The following FAM171B variants were observed in gnomAD, a reference collection of about 807,000 sequenced individuals.
FAM171B encodes family with sequence similarity 171 member B, also known as protein FAM171B.
Under a neutral mutation model 75.6 loss-of-function variants are expected in FAM171B, and 19 were observed. The observed-to-expected ratio is 0.25, with a 90% CI of 0.18 to 0.37. FAM171B has a LOEUF of 0.37. Among genes scored for constraint, FAM171B ranks in the 10% least tolerant of loss-of-function variants. FAM171B has a pLI of 1.00. For synonymous variants in FAM171B, 367 were observed against 361.7 expected, an observed-to-expected ratio of 1.01 and a Z score of -0.17; for missense variants, 848 against 982.4, an observed-to-expected ratio of 0.86 and a Z score of 1.83.
At chr2:186,736,134 G>T (rs1037604460) in intron 1 of FAM171B, among the ~76,000 whole-genome samples, 1 of 152,096 alleles carries the variant, frequency 6.6e-6, no homozygotes, top group Non-Finnish European at 1.5e-5. Flanking sequence ...TCATTTTAAG[G>T]TATGATTTGA....
At chr2:186,696,316 G>A (rs979644058) in intron 1 of FAM171B, among the ~76,000 whole-genome samples, 1 of 151,724 alleles carries the variant, frequency 6.6e-6, no homozygotes, top group Non-Finnish European at 1.5e-5. Flanking sequence ...GGAATATTGA[G>A]TCTTATAATG....
chr2:186,744,688 C>T (rs2105787502), intron 3 of FAM171B, among the ~76,000 whole-genome samples: 1 of 151,806 alleles, frequency 6.6e-6, no homozygotes, highest in South Asian at 2.1e-4. Context: ...CCACCACACC[C>T]AGCTAGTTTT....
intron 1 of FAM171B, among the ~76,000 whole-genome samples, chr2:186,705,238 A>C (rs557873517): frequency 2.9e-4 from 44 of 152,334 alleles, no homozygotes; most frequent in African/African-American, 1.0e-3. Flanking sequence ...TGGTTTATGC[A>C]GATATTTCTA....
chr2:186,706,186 A>G (rs1689730849), intron 1 of FAM171B, among the ~76,000 whole-genome samples: 1 of 152,194 alleles, frequency 6.6e-6, no homozygotes, highest in African/African-American at 2.4e-5. Flanking sequence ...GAAGGCATTT[A>G]TAAAAACCTA....
At chr2:186,720,768 A>G (rs1199748293) in intron 1 of FAM171B, among the ~76,000 whole-genome samples, 1 of 151,658 alleles carries the variant, frequency 6.6e-6, no homozygotes, top group Non-Finnish European at 1.5e-5. Flanking sequence ...TATTAAATGT[A>G]CCCAAACCCT....
intron 6 of FAM171B, among the ~76,000 whole-genome samples, chr2:186,756,655 A>G (rs1412423816): frequency 2.0e-5 from 3 of 152,096 alleles, no homozygotes; most frequent in African/African-American, 2.4e-5. Flanking sequence ...CGTTGATTAT[A>G]TCCTATAATT....
rs934820813 is a variant in FAM171B, at chr2:186,762,167, G to A, written c.1825G>A (p.Gly609Ser). The change falls in exon 8 of 8, where the codon GGT becomes AGT. Residue 609 changes from glycine (G) to serine (S), a missense_variant. Gly to Ser is a moderately conservative substitution (Grantham distance 56). This residue lies in a region of FAM171B where 665 missense variants were observed against 729.0 expected (regional missense o/e 0.91). Transcript: ENST00000304698. This position sits in a 1 kb window ranked among gnomAD's most constrained non-coding sequence, Gnocchi z 4.0. ...DAREEDIILE[G>S]QQSLPSQASD... The stretch of plus-strand genomic sequence containing the variant: ...CAGGGAAGAGGATATCATACTTGAA[G>A]GTCAACAGAGCCTGCCATCCCAGGC... 1.2e-6 allele frequency: 2 copies of A among 1,613,634 alleles called. No individual in the cohort carries two copies. Among genetic ancestry groups the A allele is most frequent in the Non-Finnish European group, 1.7e-6 (2 of 1,179,778 alleles).
At chr2:186,699,978 C>G (rs1234874862) in intron 1 of FAM171B, among the ~76,000 whole-genome samples, 7 of 151,840 alleles carry the variant, frequency 4.6e-5, no homozygotes, top group Non-Finnish European at 7.4e-5. Context: ...TTCCATTGGT[C>G]TCTTTGTCTG....
chr2:186,714,845 T>C (rs928591651), intron 1 of FAM171B, among the ~76,000 whole-genome samples: 2 of 152,174 alleles, frequency 1.3e-5, no homozygotes, highest in Non-Finnish European at 2.9e-5. Flanking sequence ...GATTGACAAG[T>C]GTGGCAAAGG....
Position 186,751,324 on chromosome 2 carries a change from A to C in FAM171B, c.895+20A>C. On this transcript the variant is annotated intron_variant, in intron 5 of 7. Coordinates refer to ENST00000304698, the MANE Select transcript of FAM171B (RefSeq NM_177454.4). ...ACACAGGTATGTGAGCTAGGTTAAAATAGTCTGAATATTTTACATATTTGT... is the reference window on the plus strand; with the variant it reads ...ACACAGGTATGTGAGCTAGGTTAAACTAGTCTGAATATTTTACATATTTGT... 6.7e-7 allele frequency: 1 copy of C among 1,495,106 alleles called. No individual in the cohort carries two copies. Among genetic ancestry groups the C allele is most frequent in the Non-Finnish European group, 9.0e-7 (1 of 1,110,800 alleles). The allele number at this position is 1,495,106 out of a possible 1,614,324, so 92.6% of individuals were successfully genotyped here. A position where few individuals can be genotyped will look rare whatever the true frequency, so the allele number is the denominator to read the frequency against.
chr2:186,762,642 G>A lies in FAM171B; in HGVS notation c.2300G>A (p.Gly767Glu). 6.2e-7 allele frequency: 1 copy of A among 1,613,364 alleles called. No homozygotes were observed. Among genetic ancestry groups the A allele is most frequent in the Non-Finnish European group, 8.5e-7 (1 of 1,179,658 alleles). ...DPALRHILDGGSGVIMEHPGE... is the reference protein window; with the variant it reads ...DPALRHILDGESGVIMEHPGE... The stretch of plus-strand genomic sequence containing the variant: ...GCTTTAAGGCACATCCTAGATGGAG[G>A]GAGTGGAGTGATCATGGAGCACCCT... Residue 767 changes from glycine to glutamate, a missense_variant, in exon 8 of 8, where the codon GGG (glycine) becomes GAG (glutamate). By Grantham distance (98) the Gly-to-Glu change is moderately conservative (BLOSUM62 -2). Coordinates refer to ENST00000304698, the MANE Select transcript of FAM171B (RefSeq NM_177454.4). The surrounding 1 kb of genome is among the most constrained non-coding windows in gnomAD (Gnocchi z 4.0).
At position 186,765,733 on chromosome 2, in the gene FAM171B, T is replaced by C. The variant is rs966959180; in HGVS notation, c.*2910T>C. 6.6e-6 allele frequency: 1 copy of C among 152,080 alleles called. No homozygotes were observed. The highest frequency in any genetic ancestry group is 2.4e-5 in the African/African-American group (1 of 41,440). 9.4% of individuals were successfully genotyped at this position (152,080 alleles called of 1,614,324 possible). On this transcript the variant is annotated 3_prime_UTR_variant, in exon 8 of 8. Transcript: ENST00000304698. The stretch of plus-strand genomic sequence containing the variant: ...TTTCTCATTTTCCCATGTACGAGCA[T>C]TGTAAAGGAATTCAGCTGTATTAAT...
intron 1 of FAM171B, among the ~76,000 whole-genome samples, chr2:186,722,779 G>A (rs912834288): frequency 4.6e-5 from 7 of 152,110 alleles, no homozygotes; most frequent in African/African-American, 1.4e-4. Context: ...CTATCTTAAA[G>A]CTCATTCTAT....
chr2:186,721,462 G>A (rs13028008), intron 1 of FAM171B, among the ~76,000 whole-genome samples: 73,509 of 151,882 alleles, frequency 0.48, 18,660 homozygotes, highest in South Asian at 0.61. Flanking sequence ...GAAAATAAAC[G>A]TGTATTTAGA....
Position 186,760,978 on chromosome 2 carries a change from G to A in FAM171B, c.1013-135G>A, listed in dbSNP as rs1690605639. ...ATAGGGAAGGTTTACTTCACCCATAGGGAAATCTGTCATAGGAGGGGGGCA... is the reference window on the plus strand; with the variant it reads ...ATAGGGAAGGTTTACTTCACCCATAAGGAAATCTGTCATAGGAGGGGGGCA... On this transcript the variant is annotated intron_variant, in intron 6 of 7. Coordinates refer to ENST00000304698, the MANE Select transcript of FAM171B (RefSeq NM_177454.4). The A allele has an allele frequency of 4.6e-6, 4 of 871,558 alleles. No individual in the cohort carries two copies. The African/African-American group carries it at 5.2e-5, about 11-fold the overall frequency. The allele number at this position is 871,558 out of a possible 1,614,324, so 54.0% of individuals were successfully genotyped here.
Position 186,703,892 on chromosome 2 carries a change from G to A in FAM171B, c.238+9481G>A, listed in dbSNP as rs182300688. 1.8e-3 allele frequency among the ~76,000 whole-genome samples: 270 copies of A among 151,978 alleles called. 1 individual carries two copies. The highest frequency in any genetic ancestry group is 2.9e-3 in the Admixed American group (45 of 15,266). On this transcript the variant is annotated intron_variant, in intron 1 of 7. Transcript: ENST00000304698. ...TGAAGAACATGCTTTTGTGTAAGGG[G>A]AAAAAATATCACCAAAATAATGGGC... is the stretch of plus-strand genomic sequence containing the variant.
intron 1 of FAM171B, among the ~76,000 whole-genome samples, chr2:186,711,901 T>A (rs1689814669): frequency 6.6e-6 from 1 of 152,216 alleles, no homozygotes; most frequent in Admixed American, 6.5e-5. Flanking sequence ...GTATCACTTA[T>A]AATCTCTGTT....
At chr2:186,705,363 C>T (rs1689720040) in intron 1 of FAM171B, among the ~76,000 whole-genome samples, 1 of 152,144 alleles carries the variant, frequency 6.6e-6, no homozygotes, top group Admixed American at 6.6e-5. Context: ...TGCTTCTGCC[C>T]TGTCCCTGTT....
intron 3 of FAM171B, among the ~76,000 whole-genome samples, chr2:186,745,519 T>C (rs906328977): frequency 2.0e-5 from 3 of 152,206 alleles, no homozygotes; most frequent in Non-Finnish European, 4.4e-5. Flanking sequence ...TTCCTTTTAC[T>C]GTCTCATTTT....
Sources: allele counts gnomAD v4.1 joint callset (sites outside exome capture counted in the v4.1 genomes callset), GRCh38; gene constraint gnomAD v4.1.1; regional missense constraint gnomAD v4.1.1; non-coding constraint Gnocchi (gnomAD v3.1); transcripts MANE v1.5; gene names NCBI Gene and HGNC (gene_info 2026-07-23, HGNC 2026-07-21).